EYS: variants seen among roughly 807,000 people sequenced by gnomAD.
EYS encodes EGF-like photoreceptor maintenance factor, also known as protein eyes shut homolog.
Under a neutral mutation model 282.1 loss-of-function variants are expected in EYS, and 250 were observed. The ratio of observed to expected loss-of-function variants is 0.89; its 90% CI spans 0.80 to 0.98. The LOEUF is 0.98. Among genes scored for constraint, EYS ranks in the 50% least tolerant of loss-of-function variants. The probability of loss-of-function intolerance (pLI) is 0.00; values close to 1 mark genes in which losing one functional copy is unlikely to be tolerated. For synonymous variants in EYS, 1,355 were observed against 1,282.9 expected, an observed-to-expected ratio of 1.06 and a Z score of -1.20; for missense variants, 4,016 against 3,709.0, an observed-to-expected ratio of 1.08 and a Z score of -2.15.
intron 28 of EYS, among the ~76,000 whole-genome samples, chr6:64,410,696 C>A (rs1022158083): frequency 6.6e-6 from 1 of 151,958 alleles, no homozygotes; most frequent in Non-Finnish European, 1.5e-5. Flanking sequence ...CTGTCTTTGT[C>A]TTTTAGAGTA....
intron 2 of EYS, among the ~76,000 whole-genome samples, chr6:65,552,782 AATGTAATT>A (rs1342448443): frequency 3.3e-5 from 5 of 152,036 alleles, no homozygotes; most frequent in Admixed American, 1.3e-4. Context: ...TGATGATACT[AATGTAATT>A]ATCTTTCATA....
intron 31 of EYS, among the ~76,000 whole-genome samples, chr6:64,152,699 T>C (rs1208026221): frequency 3.9e-5 from 6 of 152,202 alleles, no homozygotes; most frequent in Non-Finnish European, 2.9e-5. Flanking sequence ...GAAAAGGCTA[T>C]GATTTTGCAT....
intron 2 of EYS, among the ~76,000 whole-genome samples, chr6:65,514,864 T>C (rs1380060592): frequency 3.3e-5 from 5 of 151,936 alleles, no homozygotes; most frequent in Middle Eastern, 3.2e-3. Flanking sequence ...CATTACCATT[T>C]AGGACATAGG....
chr6:65,318,024 C>A (rs1179123041), intron 11 of EYS, among the ~76,000 whole-genome samples: 1 of 149,828 alleles, frequency 6.7e-6, no homozygotes, highest in Admixed American at 6.6e-5. Context: ...CCCGCCACCA[C>A]GCCCAGCTAA....
chr6:64,028,582 T>G (rs1769652885), intron 33 of EYS, among the ~76,000 whole-genome samples: 1 of 152,188 alleles, frequency 6.6e-6, no homozygotes, highest in African/African-American at 2.4e-5. Flanking sequence ...TATATTCCCC[T>G]GCACTCTGAG....
chr6:65,656,929 A>C (rs1767850459), intron 1 of EYS, among the ~76,000 whole-genome samples: 1 of 151,932 alleles, frequency 6.6e-6, no homozygotes, highest in African/African-American at 2.4e-5. Context: ...GTTAGAGGCT[A>C]ATGTAGCTGG....
chr6:64,529,277 T>C (rs990511151), intron 26 of EYS, among the ~76,000 whole-genome samples: 1 of 152,084 alleles, frequency 6.6e-6, no homozygotes, highest in Non-Finnish European at 1.5e-5. Context: ...TTTTCTTCTT[T>C]GGTTAAAATG....
At chr6:65,259,982 C>T (rs900654914) in intron 12 of EYS, among the ~76,000 whole-genome samples, 4 of 152,028 alleles carry the variant, frequency 2.6e-5, no homozygotes, top group African/African-American at 9.7e-5. Context: ...AGTCCATTTT[C>T]ATACTGCTAT....
chr6:65,568,594 T>C (rs1764366714), intron 2 of EYS, among the ~76,000 whole-genome samples: 1 of 152,140 alleles, frequency 6.6e-6, no homozygotes, highest in Non-Finnish European at 1.5e-5. Context: ...CAGAAAATAA[T>C]AGCAAAAGAG....
At chr6:64,001,847 T>A (rs1018881041) in intron 33 of EYS, among the ~76,000 whole-genome samples, 1 of 152,220 alleles carries the variant, frequency 6.6e-6, no homozygotes, top group Non-Finnish European at 1.5e-5. Flanking sequence ...AGTGGCTATC[T>A]CTGTATCCTG....
chr6:64,177,760 T>A (rs2150310229), intron 31 of EYS, among the ~76,000 whole-genome samples: 1 of 152,290 alleles, frequency 6.6e-6, no homozygotes, highest in Non-Finnish European at 1.5e-5. Context: ...CGGGCATAAC[T>A]TGATTTCTCT....
intron 6 of EYS, among the ~76,000 whole-genome samples, chr6:65,404,888 AGTT>A (rs1766660494): frequency 6.6e-6 from 1 of 152,014 alleles, no homozygotes; most frequent in African/African-American, 2.4e-5. Flanking sequence ...TAAATTGAAA[AGTT>A]AAAGTAAAAC....
intron 12 of EYS, among the ~76,000 whole-genome samples, chr6:65,155,746 G>C (rs1267745122): frequency 3.3e-5 from 5 of 151,460 alleles, no homozygotes; most frequent in African/African-American, 4.8e-5. Flanking sequence ...AAGCATTGCA[G>C]TGTAGATAAA....
intron 36 of EYS, among the ~76,000 whole-genome samples, chr6:63,855,478 C>T (rs1404022906): frequency 6.6e-6 from 1 of 152,144 alleles, no homozygotes; most frequent in Non-Finnish European, 1.5e-5. Flanking sequence ...TTCACAAATA[C>T]TTATGATTAT....
At chr6:65,132,045 A>C (rs1775893772) in intron 12 of EYS, among the ~76,000 whole-genome samples, 1 of 152,024 alleles carries the variant, frequency 6.6e-6, no homozygotes, top group African/African-American at 2.4e-5. Context: ...GAACAGACCA[A>C]TAACAAGCTC....
chr6:63,848,991 C>T (rs1033199165), intron 36 of EYS, among the ~76,000 whole-genome samples: 14 of 152,150 alleles, frequency 9.2e-5, no homozygotes, highest in Admixed American at 2.0e-4. Context: ...GCTTGAGCTT[C>T]GTCGGAGGAG....
chr6:65,343,903 G>T, intron 10 of EYS, 135 bp downstream of exon 10: 1 of 742,716 alleles, frequency 1.3e-6, no homozygotes, highest in Non-Finnish European at 2.3e-6. Flanking sequence ...TGTTTACGAA[G>T]TTATATTTAA....
At chr6:64,425,722 A>G (rs1274301315) in intron 28 of EYS, among the ~76,000 whole-genome samples, 1 of 152,002 alleles carries the variant, frequency 6.6e-6, no homozygotes, top group Non-Finnish European at 1.5e-5. Context: ...CAGAGAAAAA[A>G]TAAGTAGATG....
chr6:63,753,547 C>T (rs1245419957), intron 41 of EYS, among the ~76,000 whole-genome samples: 4 of 152,054 alleles, frequency 2.6e-5, no homozygotes, highest in African/African-American at 7.2e-5. Context: ...GAGAGAGAAG[C>T]ACAGAGGAGG....
Sources: gnomAD v4.1 joint callset for allele counts (sites outside exome capture counted in the v4.1 genomes callset) on GRCh38, gnomAD v4.1.1 for gene constraint, MANE v1.5 for transcripts, NCBI Gene and HGNC (gene_info 2026-07-23, HGNC 2026-07-21) for gene names.